The following MCM9 variants were observed in gnomAD, a reference collection of about 807,000 sequenced individuals.
MCM9 encodes the protein DNA helicase MCM9.
Under a neutral mutation model 72.8 loss-of-function variants are expected in MCM9, and 55 were observed. The observed-to-expected ratio is 0.76, with a 90% CI of 0.61 to 0.95. The LOEUF (loss-of-function observed/expected upper bound fraction) is 0.95, where lower values mean the gene tolerates loss of function less well. MCM9 is among the 40% of genes least tolerant of loss of function. MCM9 has a pLI of 0.00. For missense variants in MCM9, 1,279 were observed against 1,377.0 expected (o/e 0.93, Z 1.13); for synonymous variants, 480 against 503.4 (o/e 0.95, Z 0.62).
chr6:118,889,068 A>C (rs748163518), intron 8 of MCM9, among the ~76,000 whole-genome samples: 1 of 152,194 alleles, frequency 6.6e-6, no homozygotes, highest in Non-Finnish European at 1.5e-5. Context: ...AGTGAATTAC[A>C]TGTTATGTGA....
intron 10 of MCM9, 21 bp from the exon 11 acceptor site, chr6:118,828,151 G>A: frequency 1.3e-6 from 2 of 1,534,764 alleles, no homozygotes; most frequent in Non-Finnish European, 8.8e-7. Context: ...CAGGTGTTGG[G>A]TCAGTAAGTT....
chr6:118,903,378 C>T (rs1779937480), intron 8 of MCM9, among the ~76,000 whole-genome samples: 1 of 152,046 alleles, frequency 6.6e-6, no homozygotes, highest in African/African-American at 2.4e-5. Flanking sequence ...ATCATAAACC[C>T]CTTCAGGGCA....
chr6:118,872,337 G>A (rs36151678), intron 8 of MCM9, among the ~76,000 whole-genome samples: 110,490 of 150,216 alleles, frequency 0.74, 41,561 homozygotes, highest in South Asian at 0.83. Context: ...AAAGAAAATA[G>A]TAACAAAAAG....
At chr6:118,867,081 C>A (rs1192938501) in intron 8 of MCM9, among the ~76,000 whole-genome samples, 7 of 151,232 alleles carry the variant, frequency 4.6e-5, no homozygotes, top group Non-Finnish European at 1.0e-4. Flanking sequence ...CTATACTCAG[C>A]AATTCAGTCT....
chr6:118,839,326 A>G (rs184006304), intron 9 of MCM9, among the ~76,000 whole-genome samples: 26 of 152,084 alleles, frequency 1.7e-4, no homozygotes, highest in Admixed American at 5.2e-4. Flanking sequence ...CAATACCTCT[A>G]ACCTTTTTTC....
intron 1 of MCM9, among the ~76,000 whole-genome samples, chr6:118,934,146 C>T (rs1187657641): frequency 6.6e-6 from 1 of 152,120 alleles, no homozygotes; most frequent in Non-Finnish European, 1.5e-5. Flanking sequence ...TAAATTTTGC[C>T]TAGTTAGGCT....
At chr6:118,933,468 T>C (rs772623498) in intron 1 of MCM9, among the ~76,000 whole-genome samples, 23 of 149,338 alleles carry the variant, frequency 1.5e-4, no homozygotes, top group Non-Finnish European at 1.5e-4. Flanking sequence ...ACCACGCCAC[T>C]GCACTCCAGC....
rs1253440876 is a variant in MCM9 at position 118,846,117 on chromosome 6, T to C, written c.1325+10254A>G. Among the ~76,000 whole-genome samples, 2 of 151,826 alleles carry C rather than the reference T, an allele frequency of 1.3e-5. 1 individual carries two copies. The highest frequency in any genetic ancestry group is 4.9e-5 in the African/African-American group (2 of 41,146). ...GTTAAATAATATAAGAAAGAATAAC[T>C]TTAAAAAATGAAATGTTGATTTCTA... is the stretch of plus-strand genomic sequence containing the variant. On this transcript the variant is annotated intron_variant, in intron 9 of 13. Transcript: ENST00000619706.
At chr6:118,816,572 A>G (rs1371676833) in intron 13 of MCM9, among the ~76,000 whole-genome samples, 2 of 152,164 alleles carry the variant, frequency 1.3e-5, no homozygotes, top group Non-Finnish European at 2.9e-5. Flanking sequence ...AGATCTCTCC[A>G]AAAGTCCAAT....
Position 118,816,246 on chromosome 6 carries a change from T to C in MCM9, c.2010A>G (p.Val670=). Residue 670 remains valine, a synonymous_variant, in exon 14 of 14, where the codon GTA becomes GTG. Transcript: ENST00000619706. The stretch of plus-strand genomic sequence containing the variant: ...TTCTCAAGGATCCTGGAGTAGTCTC[T>C]ACCTCCAATACCCGTGGTTGGGATT... ...VHQSQPRVLE[V]ETTPGSLRNG... 1 of 1,549,682 alleles carries C rather than the reference T, an allele frequency of 6.5e-7. No individual in the cohort carries two copies. The highest frequency in any genetic ancestry group is 1.4e-5 in the African/African-American group (1 of 73,154).
chr6:118,864,424 G>C (rs1307935017), intron 8 of MCM9, among the ~76,000 whole-genome samples: 1 of 152,062 alleles, frequency 6.6e-6, no homozygotes, highest in Non-Finnish European at 1.5e-5. Context: ...AGGTAGTGAT[G>C]CCAGCAACAT....
chr6:118,894,649 G>A (rs373265365), intron 8 of MCM9: 38 of 806,198 alleles, frequency 4.7e-5, no homozygotes, highest in East Asian at 1.7e-4. Flanking sequence ...TCTGCGGAGG[G>A]AAACTTGAAG....
chr6:118,907,339 A>T, intron 8 of MCM9: 1 of 1,173,862 alleles, frequency 8.5e-7, no homozygotes, highest in South Asian at 1.4e-5. Context: ...TTAAGCTTCT[A>T]TTTGTATATG....
chr6:118,828,279 C>A (rs1199428324), intron 10 of MCM9, 149 bp from the exon 11 acceptor site: 3 of 638,696 alleles, frequency 4.7e-6, no homozygotes, highest in South Asian at 2.0e-5. Context: ...GCATAGCATA[C>A]AATCAGCATC....
chr6:118,910,679 A>G (rs1274296894), intron 8 of MCM9: 2 of 985,374 alleles, frequency 2.0e-6, no homozygotes, highest in Non-Finnish European at 2.4e-6. Flanking sequence ...TTTAAAACGC[A>G]TGGGAAATAT....
At chr6:118,862,135 C>T (rs2114705246) in intron 8 of MCM9, among the ~76,000 whole-genome samples, 1 of 152,314 alleles carries the variant, frequency 6.6e-6, no homozygotes, top group South Asian at 2.1e-4. Context: ...GGGGAAAGGC[C>T]AGGGAGCAGG....
At chr6:118,888,833 A>G (rs1440746152) in intron 8 of MCM9, among the ~76,000 whole-genome samples, 1 of 152,228 alleles carries the variant, frequency 6.6e-6, no homozygotes, top group Non-Finnish European at 1.5e-5. Flanking sequence ...AAAAGACTAC[A>G]TATTATAAGA....
At chr6:118,839,527 C>A (rs990318948) in intron 9 of MCM9, among the ~76,000 whole-genome samples, 1 of 152,058 alleles carries the variant, frequency 6.6e-6, no homozygotes, top group Non-Finnish European at 1.5e-5. Flanking sequence ...AATGTTCAGC[C>A]TTTTTGTGTT....
rs1013234871 is a variant in MCM9, at chr6:118,815,600, T to C, written c.2656A>G (p.Arg886Gly). The change falls in exon 14 of 14, where the codon AGA becomes GGA. Residue 886 changes from arginine to glycine, a missense_variant. Physicochemically the swap from Arg to Gly is moderately radical, Grantham distance 125 (BLOSUM62 -2). Transcript: ENST00000619706. ...PQSTPVHSPDRMLDSPKRKRP... is the reference protein window; with the variant it reads ...PQSTPVHSPDGMLDSPKRKRP... ...TTTCTTTTGGGTGAGTCCAGCATTC[T>C]GTCTGGGCTATGTACAGGAGTGGAC... The C allele has an allele frequency of 1.9e-5, 29 of 1,550,408 alleles. No individual in the cohort carries two copies. In the African/African-American group the frequency reaches 4.0e-4, roughly 21 times the overall value.
Sources: allele counts gnomAD v4.1 joint callset (sites outside exome capture counted in the v4.1 genomes callset), GRCh38; gene constraint gnomAD v4.1.1; transcripts MANE v1.5; gene names NCBI Gene and HGNC (gene_info 2026-07-23, HGNC 2026-07-21).